The following HPCAL1 variants were observed in gnomAD, a reference collection of about 807,000 sequenced individuals.
HPCAL1 encodes the protein hippocalcin-like protein 1.
HPCAL1 carries 8 observed loss-of-function variants against 17.1 expected under a neutral mutation model. The ratio of observed to expected loss-of-function variants is 0.47; its 90% CI spans 0.27 to 0.84. The LOEUF is 0.84. Among genes scored for constraint, HPCAL1 ranks in the 40% least tolerant of loss-of-function variants. The probability of loss-of-function intolerance (pLI) is 0.13; values close to 1 mark genes in which losing one functional copy is unlikely to be tolerated. For synonymous variants in HPCAL1, 112 were observed against 111.4 expected (o/e 1.01, Z -0.03); for missense variants, 165 against 271.1 (o/e 0.61, Z 2.75).
At chr2:10,420,176 G>T in intron 3 of HPCAL1, 41 bp downstream of exon 3, 1 of 1,491,684 alleles carries the variant, frequency 6.7e-7, no homozygotes, top group Non-Finnish European at 9.1e-7. Flanking sequence ...GCGGGCCCAG[G>T]TCCCCTCCCA....
At chr2:10,315,033 T>C (rs1663218948) in intron 1 of HPCAL1, among the ~76,000 whole-genome samples, 1 of 152,164 alleles carries the variant, frequency 6.6e-6, no homozygotes, top group Admixed American at 6.5e-5. Flanking sequence ...GGCTCACGCC[T>C]GTAATCCCAG....
Position 10,395,379 on chromosome 2 carries a change from G to T in HPCAL1, c.-110-1456G>T, listed in dbSNP as rs1668953720. Among the ~76,000 whole-genome samples the T allele has an allele frequency of 6.6e-6, 1 of 151,000 alleles. No individual in the cohort carries two copies. Among genetic ancestry groups the T allele is most frequent in the Non-Finnish European group, 1.5e-5 (1 of 67,814 alleles). ...GGCATTCATTTGTCAAACATTATTT[G>T]TTGAGCACCTGCTGTGTCCAGGCTC... On this transcript the variant is annotated intron_variant, in intron 1 of 4. Coordinates refer to ENST00000307845, the MANE Select transcript of HPCAL1 (RefSeq NM_002149.4). This position sits in a 1 kb window ranked among gnomAD's most constrained non-coding sequence, Gnocchi z 4.4.
intron 1 of HPCAL1, among the ~76,000 whole-genome samples, chr2:10,338,596 T>A (rs1295912355): frequency 6.6e-6 from 1 of 152,116 alleles, no homozygotes; most frequent in Non-Finnish European, 1.5e-5. Flanking sequence ...CCCAGTGCTG[T>A]GTTGGTGACC....
chr2:10,337,621 G>A (rs1242024957), intron 1 of HPCAL1, among the ~76,000 whole-genome samples: 1 of 152,188 alleles, frequency 6.6e-6, no homozygotes, highest in Non-Finnish European at 1.5e-5. Context: ...GCTCAGAGAG[G>A]CTGAGAAATG....
chr2:10,424,840 G>A (rs377358246), intron 4 of HPCAL1: 2 of 342,818 alleles, frequency 5.8e-6, no homozygotes, highest in Non-Finnish European at 1.2e-5. Flanking sequence ...GTGCCCTGGA[G>A]TTTGCCCCAA....
At position 10,362,810 on chromosome 2, in the gene HPCAL1, G is replaced by A. The variant is rs1666602782; in HGVS notation, c.-110-34025G>A. ...GGTAGGAGTGCTGAGTCATGAGATT[G>A]GGTTGAATGGCGGCTTTAGCACAGC... On this transcript the variant is annotated intron_variant, in intron 1 of 4. Coordinates refer to ENST00000307845, the MANE Select transcript of HPCAL1 (RefSeq NM_002149.4). The surrounding 1 kb of genome is among the most constrained non-coding windows in gnomAD (Gnocchi z 5.0). 6.6e-6 allele frequency among the ~76,000 whole-genome samples: 1 copy of A among 152,210 alleles called. No individual in the cohort carries two copies. Among genetic ancestry groups the A allele is most frequent in the Admixed American group, 6.5e-5 (1 of 15,282 alleles).
chr2:10,350,946 G>A (rs1189994251), intron 1 of HPCAL1, among the ~76,000 whole-genome samples: 1 of 152,156 alleles, frequency 6.6e-6, no homozygotes, highest in Non-Finnish European at 1.5e-5. Flanking sequence ...AATGGAGAAG[G>A]TGGAACCCTC....
At position 10,330,598 on chromosome 2, in the gene HPCAL1, A is replaced by AT. The variant is rs1664304183; in HGVS notation, c.-111+27422dup. Among the ~76,000 whole-genome samples, 1 of 152,038 alleles carries AT rather than the reference A, an allele frequency of 6.6e-6. No individual in the cohort carries two copies. The highest frequency in any genetic ancestry group is 6.5e-5 in the Admixed American group (1 of 15,274). On this transcript the variant is annotated intron_variant, in intron 1 of 4. Transcript: ENST00000307845. The surrounding 1 kb of genome is among the most constrained non-coding windows in gnomAD (Gnocchi z 4.2). ...TTTCTCCCTCTGTTCTCACACGGCC[A>AT]TCCCTCCGAGTGTGTCTGAGTCCCA...
At chr2:10,412,761 C>G (rs1024723724) in intron 2 of HPCAL1, among the ~76,000 whole-genome samples, 5 of 152,190 alleles carry the variant, frequency 3.3e-5, no homozygotes, top group Admixed American at 3.3e-4. Flanking sequence ...TATCCCTGAG[C>G]CTTCTGGAAT....
intron 1 of HPCAL1, among the ~76,000 whole-genome samples, chr2:10,346,761 G>A (rs13417221): frequency 0.2 from 30,471 of 151,824 alleles, 3,953 homozygotes; most frequent in East Asian, 0.43. Flanking sequence ...GACTGTGAGA[G>A]CTTCTCACTT....
At chr2:10,356,686 C>A (rs1244053680) in intron 1 of HPCAL1, among the ~76,000 whole-genome samples, 1 of 152,136 alleles carries the variant, frequency 6.6e-6, no homozygotes, top group Non-Finnish European at 1.5e-5. Flanking sequence ...GAAATCACGT[C>A]CCCCAGTGTG....
chr2:10,373,552 A>G (rs1667358000), intron 1 of HPCAL1, among the ~76,000 whole-genome samples: 2 of 152,216 alleles, frequency 1.3e-5, no homozygotes, highest in Non-Finnish European at 1.5e-5. Flanking sequence ...GATATCAGAC[A>G]CAATGTCCCC....
intron 1 of HPCAL1, among the ~76,000 whole-genome samples, chr2:10,336,855 C>T (rs192572225): frequency 6.6e-6 from 1 of 152,330 alleles, no homozygotes; most frequent in African/African-American, 2.4e-5. Flanking sequence ...AGTGGTCCTC[C>T]TGCCTCAGCT....
intron 2 of HPCAL1, among the ~76,000 whole-genome samples, chr2:10,402,640 A>G (rs1182796584): frequency 2.0e-5 from 3 of 152,224 alleles, no homozygotes; most frequent in Non-Finnish European, 2.9e-5. Flanking sequence ...CATTTTATTA[A>G]TAATGATTTA....
At chr2:10,366,222 C>G (rs1338071729) in intron 1 of HPCAL1, among the ~76,000 whole-genome samples, 6 of 152,060 alleles carry the variant, frequency 3.9e-5, no homozygotes, top group African/African-American at 1.2e-4. Flanking sequence ...TCATAATTTG[C>G]TTTATTTTGT....
At chr2:10,388,541 G>A (rs1421287690) in intron 1 of HPCAL1, among the ~76,000 whole-genome samples, 1 of 152,260 alleles carries the variant, frequency 6.6e-6, no homozygotes, top group African/African-American at 2.4e-5. Context: ...GGAGAAGACT[G>A]CAGGTCTCAC....
chr2:10,387,973 C>T (rs1668427190), intron 1 of HPCAL1, among the ~76,000 whole-genome samples: 1 of 152,160 alleles, frequency 6.6e-6, no homozygotes, highest in South Asian at 2.1e-4. Context: ...AGGTGAATGG[C>T]CATGCAGGGG....
At chr2:10,388,520 C>G (rs1277501304) in intron 1 of HPCAL1, among the ~76,000 whole-genome samples, 1 of 152,234 alleles carries the variant, frequency 6.6e-6, no homozygotes. Context: ...CCCACCCCAC[C>G]CCTGTCACTG....
At position 10,330,490 on chromosome 2, in the gene HPCAL1, C is replaced by T. The variant is rs556887640; in HGVS notation, c.-111+27313C>T. ...AACAACAGGAATTCTTTTTTTTTTACAGTATTGGAGGCTGATGTCTGAGAC... is the reference window on the plus strand; with the variant it reads ...AACAACAGGAATTCTTTTTTTTTTATAGTATTGGAGGCTGATGTCTGAGAC... On this transcript the variant is annotated intron_variant, in intron 1 of 4. Coordinates refer to ENST00000307845, the MANE Select transcript of HPCAL1 (RefSeq NM_002149.4). The surrounding 1 kb of genome is among the most constrained non-coding windows in gnomAD (Gnocchi z 4.2). Among the ~76,000 whole-genome samples the T allele has an allele frequency of 6.8e-6, 1 of 147,838 alleles. No individual in the cohort carries two copies. Among genetic ancestry groups the T allele is most frequent in the South Asian group, 2.2e-4 (1 of 4,528 alleles).
Sources: gnomAD v4.1 joint callset for allele counts (sites outside exome capture counted in the v4.1 genomes callset) on GRCh38, gnomAD v4.1.1 for gene constraint, Gnocchi (gnomAD v3.1) non-coding constraint, MANE v1.5 for transcripts, NCBI Gene and HGNC (gene_info 2026-07-23, HGNC 2026-07-21) for gene names.